The following IL20RA variants were observed in gnomAD, a reference collection of about 807,000 sequenced individuals.
IL20RA encodes interleukin 20 receptor subunit alpha.
A neutral mutation model predicts 36.5 loss-of-function variants in IL20RA; 29 were observed. That is an observed-to-expected ratio of 0.79 (90% confidence interval 0.59 to 1.08). The LOEUF (loss-of-function observed/expected upper bound fraction) is 1.08, where lower values mean the gene tolerates loss of function less well. Among genes scored for constraint, IL20RA ranks in the 50% least tolerant of loss-of-function variants. The pLI is 0.00. For synonymous variants in IL20RA, 279 were observed against 267.1 expected (o/e 1.04, Z -0.43); for missense variants, 652 against 668.4 (o/e 0.98, Z 0.27).
At chr6:137,015,145 T>A (rs1775636226) in intron 2 of IL20RA, among the ~76,000 whole-genome samples, 1 of 152,236 alleles carries the variant, frequency 6.6e-6, no homozygotes, top group Non-Finnish European at 1.5e-5. Flanking sequence ...TTCACCAGGA[T>A]ATGTCTTGCT....
intron 1 of IL20RA, among the ~76,000 whole-genome samples, chr6:137,037,727 C>G (rs1171315088): frequency 6.6e-6 from 1 of 152,086 alleles, no homozygotes; most frequent in East Asian, 1.9e-4. Flanking sequence ...GGAACATATA[C>G]TGGAAATACT....
At chr6:137,020,768 C>T (rs1445394178) in intron 1 of IL20RA, among the ~76,000 whole-genome samples, 1 of 152,086 alleles carries the variant, frequency 6.6e-6, no homozygotes, top group Non-Finnish European at 1.5e-5. Flanking sequence ...CAGAAATCCA[C>T]TTAAAAATGA....
intron 1 of IL20RA, among the ~76,000 whole-genome samples, chr6:137,030,620 C>T (rs1182960036): frequency 1.3e-5 from 2 of 152,028 alleles, no homozygotes; most frequent in Non-Finnish European, 2.9e-5. Context: ...GTGACATTGT[C>T]CTTAGGAAGG....
At chr6:137,033,885 C>T (rs932479081) in intron 1 of IL20RA, among the ~76,000 whole-genome samples, 1 of 152,152 alleles carries the variant, frequency 6.6e-6, no homozygotes, top group African/African-American at 2.4e-5. Context: ...TTTGGGAGGA[C>T]ACTATTCAAT....
At chr6:137,034,824 A>T (rs1051609472) in intron 1 of IL20RA, among the ~76,000 whole-genome samples, 2 of 151,968 alleles carry the variant, frequency 1.3e-5, no homozygotes, top group Admixed American at 6.6e-5. Flanking sequence ...GGGCGCCTGT[A>T]GTCCTAGCTA....
chr6:137,041,140 G>A (rs1776678671), intron 1 of IL20RA, among the ~76,000 whole-genome samples: 1 of 152,212 alleles, frequency 6.6e-6, no homozygotes, highest in African/African-American at 2.4e-5. Context: ...ATATTCTAAG[G>A]AAGAGGTAAC....
chr6:137,009,155 T>A, intron 4 of IL20RA, 162 bp downstream of exon 4: 1 of 672,758 alleles, frequency 1.5e-6, no homozygotes, highest in East Asian at 2.7e-5. Flanking sequence ...AAGTTAGTTC[T>A]GTAAAATTTC....
At chr6:137,039,562 T>A (rs1436211703) in intron 1 of IL20RA, among the ~76,000 whole-genome samples, 1 of 152,138 alleles carries the variant, frequency 6.6e-6, no homozygotes, top group African/African-American at 2.4e-5. Flanking sequence ...TGCTCATCGG[T>A]GCAAAAGAAA....
intron 1 of IL20RA, among the ~76,000 whole-genome samples, chr6:137,038,932 T>C (rs1776582191): frequency 6.6e-6 from 1 of 152,178 alleles, no homozygotes; most frequent in Admixed American, 6.5e-5. Context: ...GATATACAGT[T>C]TCATTAAAAA....
rs915874426 is a variant in IL20RA, at chr6:137,000,462, T to C, written c.*1096A>G. The C allele has an allele frequency of 2.0e-5, 3 of 152,180 alleles. No individual in the cohort carries two copies. Among genetic ancestry groups the C allele is most frequent in the African/African-American group, 7.2e-5 (3 of 41,444 alleles). 9.4% of individuals were successfully genotyped at this position (152,180 alleles called of 1,614,324 possible). A position where few individuals can be genotyped will look rare whatever the true frequency, so the allele number is the denominator to read the frequency against. On this transcript the variant is annotated 3_prime_UTR_variant, in exon 7 of 7. Transcript: ENST00000316649. ...TGAAGAATTTAATTTTCTTAACAAG[T>C]GGTAAAGGAGATGGGAACAGTTACT...
intron 1 of IL20RA, among the ~76,000 whole-genome samples, chr6:137,021,254 G>C (rs1380465778): frequency 2.6e-5 from 4 of 152,116 alleles, no homozygotes; most frequent in Admixed American, 6.5e-5. Context: ...TTACTACAGA[G>C]AGGTTTGACT....
At chr6:137,041,405 G>A (rs12110620) in intron 1 of IL20RA, among the ~76,000 whole-genome samples, 1 of 152,120 alleles carries the variant, frequency 6.6e-6, no homozygotes, top group Non-Finnish European at 1.5e-5. Flanking sequence ...GTTTTAATTG[G>A]GAGAAACCAG....
At chr6:137,008,032 T>A (rs910230757) in intron 5 of IL20RA, among the ~76,000 whole-genome samples, 1 of 152,142 alleles carries the variant, frequency 6.6e-6, no homozygotes, top group African/African-American at 2.4e-5. Context: ...AGTGCAGTGG[T>A]GCACCTATGG....
chr6:137,015,346 T>C (rs1775646370), intron 2 of IL20RA, among the ~76,000 whole-genome samples: 1 of 152,224 alleles, frequency 6.6e-6, no homozygotes. Flanking sequence ...GTTCTCCCTG[T>C]TGTCTTAGAA....
chr6:137,003,559 C>A (rs1378800424), intron 6 of IL20RA, among the ~76,000 whole-genome samples: 1 of 152,232 alleles, frequency 6.6e-6, no homozygotes, highest in African/African-American at 2.4e-5. Flanking sequence ...GACAAAGCTA[C>A]AGTTCCCTAG....
At position 137,009,346 on chromosome 6, in the gene IL20RA, A is replaced by T. The variant is rs1249743400; in HGVS notation, c.550T>A (p.Ser184Thr). 13 of 1,613,692 alleles carry T rather than the reference A, an allele frequency of 8.1e-6. No homozygotes were observed. The highest frequency in any genetic ancestry group is 1.0e-5 in the Non-Finnish European group (12 of 1,179,770). ...CTGTTTGATTTAGTATTCAACACAG[A>T]CACGTTATACTTCAGATTGGAGTAT... ...QIYSNLKYNV[S>T]VLNTKSNRTW... Residue 184 changes from serine to threonine, a missense_variant, in exon 4 of 7, where the codon TCT (serine) becomes ACT (threonine). Physicochemically the swap from Ser to Thr is moderately conservative, Grantham distance 58. Transcript: ENST00000316649.
At chr6:137,016,513 A>C (rs958288529) in intron 2 of IL20RA, among the ~76,000 whole-genome samples, 2 of 152,150 alleles carry the variant, frequency 1.3e-5, no homozygotes, top group Non-Finnish European at 1.5e-5. Flanking sequence ...ATGGACACTG[A>C]CTATCTGTCT....
At chr6:137,018,434 C>T (rs1003303508) in intron 1 of IL20RA, among the ~76,000 whole-genome samples, 4 of 151,724 alleles carry the variant, frequency 2.6e-5, no homozygotes, top group African/African-American at 9.7e-5. Flanking sequence ...TACTTTTAAC[C>T]TTGCTCATTT....
rs1775360920 is a variant in IL20RA at position 137,008,713 on chromosome 6, C to T, written c.610G>A (p.Val204Met). The T allele has an allele frequency of 6.2e-7, 1 of 1,604,884 alleles. No homozygotes were observed. The highest frequency in any genetic ancestry group is 1.1e-5 in the South Asian group (1 of 88,132). Residue 204 changes from valine to methionine, a missense_variant, in exon 5 of 7, where the codon GTG becomes ATG. Coordinates refer to ENST00000316649, the MANE Select transcript of IL20RA (RefSeq NM_014432.4). ...GTGTTCGGCTCCAGCCAGGTGAGCA[C>T]CAGCGTGTGGTTGGTCACACACTGG... ...WSQCVTNHTLVLTWLEPNTLY... is the reference protein window; with the variant it reads ...WSQCVTNHTLMLTWLEPNTLY...
Sources: allele counts gnomAD v4.1 joint callset (sites outside exome capture counted in the v4.1 genomes callset), GRCh38; gene constraint gnomAD v4.1.1; transcripts MANE v1.5; gene names NCBI Gene and HGNC (gene_info 2026-07-23, HGNC 2026-07-21).